SLC7A11: variants seen among roughly 807,000 people sequenced by gnomAD.
SLC7A11 encodes solute carrier family 7 member 11.
A neutral mutation model predicts 54.5 loss-of-function variants in SLC7A11; 35 were observed. The observed-to-expected ratio is 0.64, with a 90% CI of 0.49 to 0.85. The LOEUF is 0.85. SLC7A11 is among the 40% of genes least tolerant of loss of function. The pLI is 0.00. For synonymous variants in SLC7A11, 230 were observed against 225.2 expected, an observed-to-expected ratio of 1.02 and a Z score of -0.19; for missense variants, 583 against 618.1, an observed-to-expected ratio of 0.94 and a Z score of 0.60.
chr4:138,197,378 G>C (rs1300540571), intron 6 of SLC7A11, among the ~76,000 whole-genome samples: 1 of 152,034 alleles, frequency 6.6e-6, no homozygotes, highest in Non-Finnish European at 1.5e-5. Flanking sequence ...AATAGGATTT[G>C]GGGGTAAAAA....
chr4:138,236,326 G>C lies in SLC7A11; in HGVS notation c.403C>G (p.Arg135Gly), dbSNP rs200429732. Residue 135 changes from arginine to glycine, a missense_variant and splice_region_variant, in exon 2 of 12, where the codon CGC (arginine) becomes GGC (glycine). Arg to Gly is a moderately radical substitution (Grantham distance 125). Transcript: ENST00000280612. ...VRVWVELLIIRPAATAVISLA... is the reference protein window; with the variant it reads ...VRVWVELLIIGPAATAVISLA... ...TAATTCTTTCTACTATGCTCTTACC[G>C]TATTATGAGGAGTTCCACCCAGACT... The C allele has an allele frequency of 6.2e-7, 1 of 1,604,836 alleles. No homozygotes were observed. Among genetic ancestry groups the C allele is most frequent in the Non-Finnish European group, 8.5e-7 (1 of 1,177,004 alleles).
At chr4:138,179,515 T>A in intron 10 of SLC7A11, 121 bp from the exon 11 acceptor site, 1 of 763,244 alleles carries the variant, frequency 1.3e-6, no homozygotes, top group Non-Finnish European at 2.1e-6. Flanking sequence ...TGCGACCAGG[T>A]AACAGGCACC....
intron 8 of SLC7A11, 22 bp downstream of exon 8, chr4:138,183,166 AGAAATGTGTTTCTG>A: frequency 7.0e-7 from 1 of 1,432,172 alleles, no homozygotes; most frequent in South Asian, 1.2e-5. Context: ...TCTCAAAAAC[AGAAATGTGTTTCTG>A]GAAATACATG....
intron 1 of SLC7A11, among the ~76,000 whole-genome samples, chr4:138,239,927 G>T (rs1452818177): frequency 6.6e-6 from 1 of 152,204 alleles, no homozygotes; most frequent in East Asian, 1.9e-4. Context: ...TATATAAAGT[G>T]CTGTAGGAAG....
chr4:138,217,333 T>C (rs1235592480), intron 5 of SLC7A11, among the ~76,000 whole-genome samples: 1 of 152,204 alleles, frequency 6.6e-6, no homozygotes, highest in Non-Finnish European at 1.5e-5. Context: ...GAGGATTATA[T>C]GGGTAAAAGT....
At chr4:138,222,481 G>A (rs1320396762) in intron 4 of SLC7A11, among the ~76,000 whole-genome samples, 3 of 152,118 alleles carry the variant, frequency 2.0e-5, no homozygotes, top group Non-Finnish European at 4.4e-5. Context: ...AATACCACAT[G>A]TGAATCTCTG....
At position 138,198,121 on chromosome 4, in the gene SLC7A11, G is replaced by A. The variant is rs183781336; in HGVS notation, c.792-12877C>T. Among the ~76,000 whole-genome samples the A allele has an allele frequency of 2.0e-4, 30 of 151,206 alleles. No individual in the cohort carries two copies. The East Asian group carries it at 5.6e-3, about 28-fold the overall frequency. The stretch of plus-strand genomic sequence containing the variant: ...AAATCCATTCCAGATAAGGTAAAGA[G>A]TGGGCTGTAAAAAAGAAACCAGAAA... On this transcript the variant is annotated intron_variant, in intron 6 of 11. Transcript: ENST00000280612.
At chr4:138,217,830 C>T (rs2148441754) in intron 5 of SLC7A11, among the ~76,000 whole-genome samples, 1 of 152,306 alleles carries the variant, frequency 6.6e-6, no homozygotes, top group Admixed American at 6.5e-5. Flanking sequence ...GGCTGAATAG[C>T]CATAGAACAG....
At chr4:138,207,436 G>A (rs1422680983) in intron 6 of SLC7A11, among the ~76,000 whole-genome samples, 1 of 152,024 alleles carries the variant, frequency 6.6e-6, no homozygotes, top group Non-Finnish European at 1.5e-5. Flanking sequence ...TAGGTGTGGT[G>A]GCTCACACCT....
At chr4:138,184,792 T>C (rs1201974786) in intron 7 of SLC7A11, among the ~76,000 whole-genome samples, 13 of 18,878 alleles carry the variant, frequency 6.9e-4, no homozygotes, top group Non-Finnish European at 3.5e-3. Flanking sequence ...GTAATTTGCA[T>C]AGAAAAAATG....
chr4:138,201,562 G>A (rs1220997453), intron 6 of SLC7A11, among the ~76,000 whole-genome samples: 4 of 152,068 alleles, frequency 2.6e-5, no homozygotes, highest in African/African-American at 9.7e-5. Context: ...CTGAGACTGA[G>A]ATAATTGTCA....
chr4:138,224,982 T>C (rs911360540), intron 3 of SLC7A11, among the ~76,000 whole-genome samples: 1 of 151,472 alleles, frequency 6.6e-6, no homozygotes, highest in African/African-American at 2.4e-5. Flanking sequence ...AATTTTATGA[T>C]GAACATATAG....
chr4:138,188,069 TTTC>T (rs961565864), intron 6 of SLC7A11, among the ~76,000 whole-genome samples: 2 of 151,926 alleles, frequency 1.3e-5, no homozygotes, highest in African/African-American at 4.8e-5. Context: ...TTAAAAAAAT[TTTC>T]TTTTTTTTTA....
chr4:138,234,571 T>C (rs2148454973), intron 2 of SLC7A11, among the ~76,000 whole-genome samples: 1 of 152,248 alleles, frequency 6.6e-6, no homozygotes, highest in Non-Finnish European at 1.5e-5. Context: ...TAGTTTTTTT[T>C]TTTAAATTAA....
In SLC7A11 at chr4:138,223,261, G is replaced by T; in HGVS notation, c.584C>A (p.Thr195Asn). ...CAGAATTGCTGTGAGCTTGCAAAAG[G>T]TTAAGAAAATCTGGATCCGGGCGCT... ...SWSARIQIFL[T>N]FCKLTAILII... Residue 195 changes from threonine to asparagine, a missense_variant, in exon 4 of 12, where the codon ACC (threonine) becomes AAC (asparagine). Transcript: ENST00000280612. The T allele has an allele frequency of 6.2e-7, 1 of 1,613,624 alleles. No homozygotes were observed. The highest frequency in any genetic ancestry group is 8.5e-7 in the Non-Finnish European group (1 of 1,179,548).
intron 6 of SLC7A11, among the ~76,000 whole-genome samples, chr4:138,197,677 C>G (rs953972652): frequency 4.0e-5 from 6 of 151,848 alleles, no homozygotes; most frequent in Admixed American, 3.9e-4. Flanking sequence ...ACTTGAACAG[C>G]TAAGAGTAAA....
chr4:138,179,134 T>C, intron 11 of SLC7A11, 83 bp downstream of exon 11: 1 of 877,676 alleles, frequency 1.1e-6, no homozygotes, highest in East Asian at 2.5e-5. Flanking sequence ...CATTTTTAAA[T>C]GTTAAGTATA....
intron 6 of SLC7A11, among the ~76,000 whole-genome samples, chr4:138,193,724 G>A (rs189053316): frequency 1.8e-4 from 27 of 152,210 alleles, no homozygotes; most frequent in East Asian, 1.4e-3. Flanking sequence ...GCTTGAACCC[G>A]GGAGGCGGAG....
rs1263988529 is a variant in SLC7A11 at position 138,232,314 on chromosome 4, C to T, written c.473G>A (p.Cys158Tyr). 6.2e-7 allele frequency: 1 copy of T among 1,613,664 alleles called. No individual in the cohort carries two copies. Among genetic ancestry groups the T allele is most frequent in the Admixed American group, 1.7e-5 (1 of 60,010 alleles). The part of the protein sequence containing the change: ...RYILEPFFIQ[C>Y]EIPELAIKLI... ...CTTGATCGCAAGTTCAGGGATTTCA[C>T]ATTGAATAAAAAATGGTTCCAGAAT... is the stretch of plus-strand genomic sequence containing the variant. The change falls in exon 3 of 12, where the codon TGT becomes TAT. Residue 158 changes from cysteine (C) to tyrosine (Y), a missense_variant. Transcript: ENST00000280612.
Sources: gnomAD v4.1 joint callset for allele counts (sites outside exome capture counted in the v4.1 genomes callset) on GRCh38, gnomAD v4.1.1 for gene constraint, MANE v1.5 for transcripts, NCBI Gene and HGNC (gene_info 2026-07-23, HGNC 2026-07-21) for gene names.